Variants in MRTFA observed in about 807,000 individuals in gnomAD.
MRTFA encodes myocardin related transcription factor A.
In MRTFA, 20 loss-of-function variants were observed where a neutral mutation model predicts 83.5. The observed-to-expected ratio is 0.24, with a 90% CI of 0.17 to 0.35. The LOEUF (loss-of-function observed/expected upper bound fraction) is 0.35, where lower values mean the gene tolerates loss of function less well. Ranked by LOEUF, MRTFA falls within the 10% of genes least tolerant of loss-of-function variation. MRTFA has a pLI of 1.00. For missense variants in MRTFA, 1,200 were observed against 1,224.7 expected (o/e 0.98, Z 0.30); for synonymous variants, 659 against 541.2 (o/e 1.22, Z -3.02).
At chr22:40,514,985 T>C (rs1364062616) in intron 3 of MRTFA, among the ~76,000 whole-genome samples, 2 of 151,350 alleles carry the variant, frequency 1.3e-5, no homozygotes, top group African/African-American at 4.9e-5. Flanking sequence ...CTTGGCTCAC[T>C]GCAACCTCCG....
chr22:40,542,895 A>G (rs904696351), intron 3 of MRTFA, among the ~76,000 whole-genome samples: 2 of 152,222 alleles, frequency 1.3e-5, no homozygotes, highest in African/African-American at 2.4e-5. Context: ...ATATACTAAC[A>G]GTGATTTTCT....
intron 2 of MRTFA, among the ~76,000 whole-genome samples, chr22:40,558,730 C>T (rs2147324171): frequency 6.6e-6 from 1 of 151,476 alleles, no homozygotes; most frequent in Non-Finnish European, 1.5e-5. Flanking sequence ...AAGTCCAATG[C>T]TAAGCATAAA....
chr22:40,551,750 G>C (rs1272341606), intron 3 of MRTFA, among the ~76,000 whole-genome samples: 1 of 152,170 alleles, frequency 6.6e-6, no homozygotes, highest in Non-Finnish European at 1.5e-5. Context: ...AGATTACTCT[G>C]ACAAGGCTAT....
chr22:40,558,184 CA>C (rs1384260024), intron 2 of MRTFA, among the ~76,000 whole-genome samples: 1 of 147,894 alleles, frequency 6.8e-6, no homozygotes, highest in African/African-American at 2.5e-5. Flanking sequence ...TTCCTGGACT[CA>C]AGTGATCCTC....
intron 2 of MRTFA, among the ~76,000 whole-genome samples, chr22:40,580,658 T>C (rs1280906609): frequency 1.3e-5 from 2 of 152,226 alleles, no homozygotes. Context: ...CATTCCACTG[T>C]CCTGTCTTCT....
rs568195233 is a variant in MRTFA at position 40,565,987 on chromosome 22, G to A, written c.-21-13620C>T. Among the ~76,000 whole-genome samples the A allele has an allele frequency of 3.9e-5, 6 of 152,284 alleles. No homozygotes were observed. In the South Asian group the frequency reaches 1.2e-3, roughly 32 times the overall value. ...GAGGTTAAATACTTGATCCTGGGCA[G>A]TGAAGCTTCAGACCTCATGCCTCTA... On this transcript the variant is annotated intron_variant, in intron 2 of 14. Coordinates refer to ENST00000355630, the MANE Select transcript of MRTFA (RefSeq NM_020831.6).
chr22:40,495,939 G>T (rs370375032), intron 3 of MRTFA, among the ~76,000 whole-genome samples: 1 of 151,416 alleles, frequency 6.6e-6, no homozygotes, highest in African/African-American at 2.4e-5. Context: ...GGTGGCACAC[G>T]CCTGTAATCC....
intron 1 of MRTFA, among the ~76,000 whole-genome samples, chr22:40,629,500 C>T (rs761567269): frequency 6.9e-5 from 10 of 145,032 alleles, no homozygotes; most frequent in South Asian, 2.2e-4. Context: ...CAGTGGCTCA[C>T]GCTGTAATCC....
At chr22:40,509,762 C>A (rs756759564) in intron 3 of MRTFA, among the ~76,000 whole-genome samples, 1 of 152,092 alleles carries the variant, frequency 6.6e-6, no homozygotes, top group Non-Finnish European at 1.5e-5. Context: ...CCTGTTTGGG[C>A]AGGTCTTGCT....
intron 1 of MRTFA, among the ~76,000 whole-genome samples, chr22:40,597,302 C>T (rs1211822049): frequency 2.0e-5 from 3 of 152,196 alleles, no homozygotes; most frequent in African/African-American, 4.8e-5. Flanking sequence ...CTCACGAATA[C>T]GTCTGCTACG....
intron 2 of MRTFA, among the ~76,000 whole-genome samples, chr22:40,581,637 G>T (rs569455661): frequency 5.3e-5 from 8 of 152,184 alleles, no homozygotes; most frequent in African/African-American, 1.9e-4. Flanking sequence ...ATTATAATAT[G>T]TATAATATAT....
In MRTFA at chr22:40,411,820, G is replaced by C; in HGVS notation, c.2666C>G (p.Ala889Gly). 6.6e-7 allele frequency: 1 copy of C among 1,515,708 alleles called. No individual in the cohort carries two copies. Among genetic ancestry groups the C allele is most frequent in the Non-Finnish European group, 8.9e-7 (1 of 1,128,616 alleles). 93.9% of individuals were successfully genotyped at this position (1,515,708 alleles called of 1,614,324 possible). The change falls in exon 15 of 15, where the codon GCA becomes GGA. Residue 889 changes from alanine (A) to glycine (G), a missense_variant. Coordinates refer to ENST00000355630, the MANE Select transcript of MRTFA (RefSeq NM_020831.6). ...GAGCTCAGCAGAAGGTGATGGCTGT[G>C]CTGCCAGGGGGGACCCACAGACTGT...
intron 3 of MRTFA, among the ~76,000 whole-genome samples, chr22:40,528,332 T>C (rs1174357767): frequency 2.0e-5 from 3 of 152,192 alleles, no homozygotes; most frequent in Admixed American, 6.5e-5. Flanking sequence ...AACAATCTCA[T>C]TTATTAGAGG....
chr22:40,580,397 C>CTT (rs2055930669), intron 2 of MRTFA, among the ~76,000 whole-genome samples: 1 of 152,030 alleles, frequency 6.6e-6, no homozygotes, highest in Non-Finnish European at 1.5e-5. Flanking sequence ...TGAGGTCTTG[C>CTT]TACATTGCCC....
intron 4 of MRTFA, among the ~76,000 whole-genome samples, chr22:40,453,058 G>C (rs5995856): frequency 6.6e-6 from 1 of 152,046 alleles, no homozygotes; most frequent in Non-Finnish European, 1.5e-5. Flanking sequence ...CAAATGCAAC[G>C]TAAAATGCCT....
chr22:40,605,729 A>G (rs1477273099), intron 1 of MRTFA, among the ~76,000 whole-genome samples: 1 of 152,202 alleles, frequency 6.6e-6, no homozygotes, highest in Admixed American at 6.5e-5. Context: ...ATATTCCATT[A>G]CCAACCTAAA....
chr22:40,515,025 C>T (rs1248930555), intron 3 of MRTFA, among the ~76,000 whole-genome samples: 2 of 151,696 alleles, frequency 1.3e-5, no homozygotes, highest in Non-Finnish European at 2.9e-5. Context: ...TCTCCCGCCT[C>T]AGCCTCCCAA....
chr22:40,503,174 GAACT>G (rs1428175810), intron 3 of MRTFA, among the ~76,000 whole-genome samples: 10 of 152,328 alleles, frequency 6.6e-5, no homozygotes, highest in South Asian at 4.1e-4. Context: ...ATGCAGAACT[GAACT>G]AACAAGGCTA....
In MRTFA at chr22:40,432,171, G is replaced by A. The variant is rs536025391; in HGVS notation, c.364-691C>T. 3.3e-4 allele frequency among the ~76,000 whole-genome samples: 50 copies of A among 152,216 alleles called. No homozygotes were observed. The South Asian group carries it at 0.01, about 31-fold the overall frequency. On this transcript the variant is annotated intron_variant, in intron 5 of 14. Transcript: ENST00000355630. Reference sequence around the variant, plus strand: ...TGAAGCAGGAGAATCACTTGAACTCGTGAGGTGGAGGCTGCAGTGAGCCAA... The same window carrying A: ...TGAAGCAGGAGAATCACTTGAACTCATGAGGTGGAGGCTGCAGTGAGCCAA...
Sources: gnomAD v4.1 joint callset for allele counts (sites outside exome capture counted in the v4.1 genomes callset) on GRCh38, gnomAD v4.1.1 for gene constraint, MANE v1.5 for transcripts, NCBI Gene and HGNC (gene_info 2026-07-23, HGNC 2026-07-21) for gene names.